Variants in AKR1C4 observed in about 807,000 individuals in gnomAD.
AKR1C4 encodes the protein aldo-keto reductase family 1 member C4, also known as 3-alpha-HSD1.
A neutral mutation model predicts 41.0 loss-of-function variants in AKR1C4; 44 were observed. That is an observed-to-expected ratio of 1.07 (90% CI 0.84 to 1.38). The LOEUF is 1.38. AKR1C4 is among the 40% of genes most tolerant of loss of function. AKR1C4 has a pLI of 0.00. For missense variants in AKR1C4, 438 were observed against 387.9 expected, an observed-to-expected ratio of 1.13 and a Z score of -1.09; for synonymous variants, 165 against 137.7, an observed-to-expected ratio of 1.20 and a Z score of -1.39.
chr10:5,204,359 C>G lies in AKR1C4; in HGVS notation c.253-18C>G. ...CTCATGTTTTTATTCAACATAAATC[C>G]TTTATTTTACCATGCAGCTTTGGTG... On this transcript the variant is annotated intron_variant, in intron 2 of 8. Transcript: ENST00000263126. 5 of 1,555,730 alleles carry G rather than the reference C, an allele frequency of 3.2e-6. No homozygotes were observed. The highest frequency in any genetic ancestry group is 4.4e-6 in the Non-Finnish European group (5 of 1,131,030).
intron 1 of AKR1C4, among the ~76,000 whole-genome samples, chr10:5,199,237 G>A (rs1418414759): frequency 2.0e-5 from 3 of 152,036 alleles, no homozygotes; most frequent in Admixed American, 6.6e-5. Context: ...CCCAAGACAC[G>A]AGGATAATGT....
At chr10:5,202,367 G>A in intron 2 of AKR1C4, 1 of 385,340 alleles carries the variant, frequency 2.6e-6, no homozygotes, top group Non-Finnish European at 5.3e-6. Flanking sequence ...TGTAACCTGA[G>A]ACTTTACTGA....
intron 5 of AKR1C4, among the ~76,000 whole-genome samples, 168 bp from the exon 6 acceptor site, chr10:5,212,448 A>G (rs1012656911): frequency 6.6e-6 from 1 of 152,196 alleles, no homozygotes; most frequent in Non-Finnish European, 1.5e-5. Context: ...ACATTTCTAT[A>G]TATACTTTTA....
At chr10:5,211,947 G>A (rs1313063518) in intron 5 of AKR1C4, among the ~76,000 whole-genome samples, 1 of 152,154 alleles carries the variant, frequency 6.6e-6, no homozygotes, top group African/African-American at 2.4e-5. Flanking sequence ...TAGATCTTGA[G>A]AGACTTATTC....
intron 7 of AKR1C4, among the ~76,000 whole-genome samples, chr10:5,215,134 G>T (rs78585347): frequency 0.11 from 17,179 of 152,124 alleles, 1,186 homozygotes; most frequent in Admixed American, 0.17. Flanking sequence ...AAGTTAAACT[G>T]GTGTGTACAT....
At chr10:5,196,977 G>A (rs1832320818) in intron 1 of AKR1C4, 26 bp downstream of exon 1, 1 of 1,606,134 alleles carries the variant, frequency 6.2e-7, no homozygotes. Context: ...TCAGCATTGA[G>A]CATTTAAAAG....
intron 7 of AKR1C4, among the ~76,000 whole-genome samples, chr10:5,216,267 C>A (rs898233904): frequency 6.6e-6 from 1 of 152,174 alleles, no homozygotes; most frequent in African/African-American, 2.4e-5. Flanking sequence ...AGGGATGCCC[C>A]CAGGGCACAA....
intron 3 of AKR1C4, among the ~76,000 whole-genome samples, chr10:5,205,309 T>C (rs2132129422): frequency 6.6e-6 from 1 of 152,292 alleles, no homozygotes; most frequent in African/African-American, 2.4e-5. Flanking sequence ...AAATTAATAC[T>C]GAAAAGAACT....
At chr10:5,204,648 C>A (rs1554797278) in intron 3 of AKR1C4, 155 bp downstream of exon 3, 2 of 767,784 alleles carry the variant, frequency 2.6e-6, no homozygotes, top group Non-Finnish European at 4.8e-6. Context: ...AAGAGTACAA[C>A]CTTCCTTCTG....
At chr10:5,212,899 C>T (rs1832599993) in intron 6 of AKR1C4, 95 bp from the exon 7 acceptor site, 14 of 1,499,654 alleles carry the variant, frequency 9.3e-6, no homozygotes, top group Non-Finnish European at 1.3e-5. Flanking sequence ...ACTTGAGAGG[C>T]TCTGGTGCAG....
chr10:5,207,767 A>G (rs948507050), intron 5 of AKR1C4: 1 of 378,854 alleles, frequency 2.6e-6, no homozygotes, highest in Non-Finnish European at 5.1e-6. Context: ...CCTTTTCTAT[A>G]TATGTAGAAT....
At chr10:5,200,776 T>G (rs1190070654) in intron 2 of AKR1C4, among the ~76,000 whole-genome samples, 6 of 152,170 alleles carry the variant, frequency 3.9e-5, no homozygotes, top group African/African-American at 1.4e-4. Context: ...TAACCCACAC[T>G]GAGTCTTGAA....
At chr10:5,197,033 G>T in intron 1 of AKR1C4, 82 bp downstream of exon 1, 2 of 1,391,702 alleles carry the variant, frequency 1.4e-6, no homozygotes, top group Non-Finnish European at 2.0e-6. Flanking sequence ...GTTCAGCTTT[G>T]TGTTTCTGTT....
chr10:5,216,003 G>C lies in AKR1C4; in HGVS notation c.847-708G>C, dbSNP rs148144502. On this transcript the variant is annotated intron_variant, in intron 7 of 8. Coordinates refer to ENST00000263126, the MANE Select transcript of AKR1C4 (RefSeq NM_001818.5). ...CGTTGCTATAAAGTACCCGAGGCCA[G>C]ATAAAATATGCCGAAAGTTGTTTTG... Among the ~76,000 whole-genome samples the C allele has an allele frequency of 2.6e-3, 391 of 152,262 alleles. 2 individuals carry two copies. The highest frequency in any genetic ancestry group is 0.01 in the Middle Eastern group (3 of 294).
intron 2 of AKR1C4, among the ~76,000 whole-genome samples, chr10:5,203,556 C>G (rs573586596): frequency 2.6e-5 from 4 of 152,340 alleles, no homozygotes; most frequent in Non-Finnish European, 4.4e-5. Flanking sequence ...AGTTTCTCCC[C>G]TTCTCACACT....
chr10:5,205,400 C>T (rs1832468533), intron 3 of AKR1C4, among the ~76,000 whole-genome samples: 1 of 152,176 alleles, frequency 6.6e-6, no homozygotes, highest in Non-Finnish European at 1.5e-5. Context: ...TATTGTATCA[C>T]CTGGATCAAG....
At chr10:5,208,409 A>G (rs544374660) in intron 5 of AKR1C4, among the ~76,000 whole-genome samples, 5 of 151,748 alleles carry the variant, frequency 3.3e-5, no homozygotes, top group African/African-American at 4.9e-5. Flanking sequence ...TATTATTATG[A>G]CAACTTTCAA....
intron 3 of AKR1C4, 94 bp from the exon 4 acceptor site, chr10:5,205,663 C>T: frequency 9.3e-7 from 1 of 1,075,844 alleles, no homozygotes; most frequent in South Asian, 1.5e-5. Flanking sequence ...CAGCACCTAC[C>T]TCACGGTGGA....
At chr10:5,200,450 A>G in intron 2 of AKR1C4, 102 bp downstream of exon 2, 1 of 1,492,128 alleles carries the variant, frequency 6.7e-7, no homozygotes, top group African/African-American at 1.4e-5. Context: ...AATTGTGCTT[A>G]TTAGTTCCAA....
Sources: gnomAD v4.1 joint callset for allele counts (sites outside exome capture counted in the v4.1 genomes callset) on GRCh38, gnomAD v4.1.1 for gene constraint, MANE v1.5 for transcripts, NCBI Gene and HGNC (gene_info 2026-07-23, HGNC 2026-07-21) for gene names.